Variants in EIF2AK3 observed in about 807,000 individuals in gnomAD.
EIF2AK3 encodes eukaryotic translation initiation factor 2 alpha kinase 3.
A neutral mutation model predicts 113.5 loss-of-function variants in EIF2AK3; 50 were observed. The observed-to-expected ratio is 0.44, with a 90% CI of 0.35 to 0.56. The LOEUF (loss-of-function observed/expected upper bound fraction) is 0.56. Among genes scored for constraint, EIF2AK3 ranks in the 20% least tolerant of loss-of-function variants. EIF2AK3 has a pLI of 0.00. For synonymous variants in EIF2AK3, 448 were observed against 495.4 expected (o/e 0.90, Z 1.27); for missense variants, 1,185 against 1,378.0 (o/e 0.86, Z 2.22).
At chr2:88,560,491 T>C (rs569672589) in intron 15 of EIF2AK3, among the ~76,000 whole-genome samples, 34 of 152,330 alleles carry the variant, frequency 2.2e-4, no homozygotes, top group Admixed American at 1.4e-3. Flanking sequence ...TAGCTTACTG[T>C]AGCCGTGAAC....
At chr2:88,571,574 AGTG>A (rs1211207597) in intron 13 of EIF2AK3, among the ~76,000 whole-genome samples, 1 of 152,178 alleles carries the variant, frequency 6.6e-6, no homozygotes, top group African/African-American at 2.4e-5. Flanking sequence ...CCAACTAGCA[AGTG>A]GTGAAGCAGG....
At chr2:88,577,842 GA>G (rs977973293) in intron 11 of EIF2AK3, among the ~76,000 whole-genome samples, 1 of 152,148 alleles carries the variant, frequency 6.6e-6, no homozygotes, top group African/African-American at 2.4e-5. Flanking sequence ...GTCTCCTACT[GA>G]GGGAAAGGCT....
intron 3 of EIF2AK3, among the ~76,000 whole-genome samples, chr2:88,595,206 CAAAA>C (rs11339424): frequency 1.7e-5 from 1 of 59,454 alleles, no homozygotes; most frequent in Non-Finnish European, 3.0e-5. Context: ...GACTCTGTCT[CAAAA>C]AAAAAAAAAA....
intron 1 of EIF2AK3, 97 bp from the exon 2 acceptor site, chr2:88,613,950 T>C: frequency 8.7e-7 from 1 of 1,151,234 alleles, no homozygotes; most frequent in Non-Finnish European, 1.2e-6. Flanking sequence ...TGTCCAGGCC[T>C]CTATTCGTAG....
intron 2 of EIF2AK3, among the ~76,000 whole-genome samples, chr2:88,606,509 C>T (rs982249837): frequency 1.3e-5 from 2 of 152,218 alleles, no homozygotes; most frequent in South Asian, 2.1e-4. Context: ...TATTGGCTTG[C>T]TACATGATTG....
chr2:88,618,611 G>A (rs768737450), intron 1 of EIF2AK3, among the ~76,000 whole-genome samples: 1 of 152,216 alleles, frequency 6.6e-6, no homozygotes, highest in Non-Finnish European at 1.5e-5. Flanking sequence ...CACCCCAGGT[G>A]AGTCTCATAA....
intron 1 of EIF2AK3, among the ~76,000 whole-genome samples, chr2:88,618,997 ATTCT>A (rs944132264): frequency 1.1e-4 from 16 of 144,102 alleles, no homozygotes; most frequent in South Asian, 4.4e-4. Context: ...CTCATCTATC[ATTCT>A]TTTTTTTTTT....
intron 12 of EIF2AK3, 75 bp downstream of exon 12, chr2:88,576,479 T>A: frequency 6.3e-7 from 1 of 1,587,528 alleles, no homozygotes; most frequent in Non-Finnish European, 8.6e-7. Context: ...AAAAAATCCC[T>A]AAAGTTATAA....
intron 14 of EIF2AK3, 112 bp downstream of exon 14, chr2:88,570,762 A>G (rs1376778294): frequency 1.4e-6 from 2 of 1,401,328 alleles, no homozygotes; most frequent in East Asian, 4.6e-5. Context: ...AGTTTTCATA[A>G]TTTTCAGACT....
At chr2:88,590,315 C>T in intron 6 of EIF2AK3, 128 bp downstream of exon 6, 2 of 916,676 alleles carry the variant, frequency 2.2e-6, no homozygotes, top group South Asian at 2.9e-5. Flanking sequence ...ATCTCAAGGG[C>T]AACGTACATC....
At position 88,617,363 on chromosome 2, in the gene EIF2AK3, C is replaced by T. The variant is rs887070410; in HGVS notation, c.309-3510G>A. Among the ~76,000 whole-genome samples, 10 of 152,274 alleles carry T rather than the reference C, an allele frequency of 6.6e-5. No homozygotes were observed. In the East Asian group the frequency reaches 1.9e-3, roughly 29 times the overall value. Reference sequence around the variant, plus strand: ...GCAACATGGAGGGAGCTGGAAGCCACAATCCTAAGCGAATTAACACAGGAA... The same window carrying T: ...GCAACATGGAGGGAGCTGGAAGCCATAATCCTAAGCGAATTAACACAGGAA... On this transcript the variant is annotated intron_variant, in intron 1 of 16. Coordinates refer to ENST00000303236, the MANE Select transcript of EIF2AK3 (RefSeq NM_004836.7).
intron 9 of EIF2AK3, among the ~76,000 whole-genome samples, chr2:88,584,527 G>GAAAAAAAAAAAA (rs66817563): frequency 1.4e-5 from 1 of 73,326 alleles, no homozygotes; most frequent in Non-Finnish European, 2.5e-5. Context: ...CCCTGTCTCT[G>GAAAAAAAAAAAA]AAAAAAAAAA....
intron 14 of EIF2AK3, among the ~76,000 whole-genome samples, chr2:88,570,210 TG>T (rs570254689): frequency 1.5e-3 from 232 of 152,366 alleles, no homozygotes; most frequent in Middle Eastern, 6.8e-3. Context: ...GAAAACCTTT[TG>T]GGTTCTCAGT....
At chr2:88,591,895 A>C (rs1674896573) in intron 4 of EIF2AK3, among the ~76,000 whole-genome samples, 1 of 152,162 alleles carries the variant, frequency 6.6e-6, no homozygotes, top group African/African-American at 2.4e-5. Context: ...TCAAACACTT[A>C]AAAAAACAAA....
At chr2:88,574,485 T>C in intron 13 of EIF2AK3, 181 bp downstream of exon 13, 1 of 695,300 alleles carries the variant, frequency 1.4e-6, no homozygotes, top group South Asian at 1.9e-5. Flanking sequence ...GCCTAAAGTT[T>C]TCAGACATAA....
intron 4 of EIF2AK3, among the ~76,000 whole-genome samples, chr2:88,591,822 G>GT (rs1439056941): frequency 6.6e-6 from 1 of 152,024 alleles, no homozygotes; most frequent in Non-Finnish European, 1.5e-5. Context: ...TCCTATTCTG[G>GT]TAACTCAAAA....
chr2:88,627,723 T>G, upstream of EIF2AK3: 2 of 157,598 alleles, frequency 1.3e-5, no homozygotes, highest in Non-Finnish European at 2.8e-5. Flanking sequence ...CGGAATACCT[T>G]TCCTACAACA....
chr2:88,564,877 T>G (rs1173831747), intron 14 of EIF2AK3, among the ~76,000 whole-genome samples: 2 of 152,178 alleles, frequency 1.3e-5, no homozygotes, highest in African/African-American at 2.4e-5. Flanking sequence ...GCATCTCTTT[T>G]AAATAGGACT....
At chr2:88,607,266 T>C (rs1330883677) in intron 2 of EIF2AK3, among the ~76,000 whole-genome samples, 1 of 152,184 alleles carries the variant, frequency 6.6e-6, no homozygotes, top group Non-Finnish European at 1.5e-5. Flanking sequence ...ACAGACAAAT[T>C]TCCTTAGTGC....
Sources: allele counts gnomAD v4.1 joint callset (sites outside exome capture counted in the v4.1 genomes callset), GRCh38; gene constraint gnomAD v4.1.1; transcripts MANE v1.5; gene names NCBI Gene and HGNC (gene_info 2026-07-23, HGNC 2026-07-21).